DTWD2: variants seen among roughly 807,000 people sequenced by gnomAD.
The protein encoded by DTWD2 is DTW motif tRNA-uridine aminocarboxypropyltransferase 2.
A neutral mutation model predicts 31.8 loss-of-function variants in DTWD2; 39 were observed. The ratio of observed to expected loss-of-function variants is 1.22; its 90% CI spans 0.95 to 1.60. DTWD2 has a LOEUF of 1.60. DTWD2 is among the 40% of genes most tolerant of loss of function. The pLI, the probability that DTWD2 is intolerant of heterozygous loss-of-function variation, is 0.00. For synonymous variants in DTWD2, 180 were observed against 142.8 expected, an observed-to-expected ratio of 1.26 and a Z score of -1.86; for missense variants, 515 against 381.5, an observed-to-expected ratio of 1.35 and a Z score of -2.92.
At chr5:118,950,830 A>G (rs1457492273) in intron 1 of DTWD2, among the ~76,000 whole-genome samples, 4 of 152,202 alleles carry the variant, frequency 2.6e-5, no homozygotes, top group African/African-American at 9.6e-5. Context: ...CCTCTTTTTA[A>G]TTATTGTACA....
chr5:118,961,061 C>G (rs1384163512), intron 1 of DTWD2, among the ~76,000 whole-genome samples: 1 of 113,788 alleles, frequency 8.8e-6, no homozygotes, highest in Non-Finnish European at 1.7e-5. Flanking sequence ...TGCACATGTA[C>G]CCCCAAAACT....
At chr5:118,922,328 C>T (rs986513420) in intron 4 of DTWD2, among the ~76,000 whole-genome samples, 2 of 152,164 alleles carry the variant, frequency 1.3e-5, no homozygotes, top group Non-Finnish European at 2.9e-5. Flanking sequence ...ATAAACACAA[C>T]ACTCTGGACT....
At chr5:118,945,833 C>G (rs974119857) in intron 1 of DTWD2, among the ~76,000 whole-genome samples, 2 of 148,946 alleles carry the variant, frequency 1.3e-5, no homozygotes, top group Non-Finnish European at 2.9e-5. Flanking sequence ...TGGCCAGATC[C>G]CAGATATGGG....
intron 1 of DTWD2, among the ~76,000 whole-genome samples, chr5:118,971,824 T>G (rs1354762825): frequency 1.3e-5 from 2 of 152,138 alleles, no homozygotes; most frequent in Non-Finnish European, 2.9e-5. Context: ...GTTAAGAAAC[T>G]CACTCAAAAC....
chr5:118,918,182 T>C (rs1753621074), intron 4 of DTWD2, among the ~76,000 whole-genome samples: 1 of 152,214 alleles, frequency 6.6e-6, no homozygotes, highest in African/African-American at 2.4e-5. Context: ...GTCAGAAGCC[T>C]AAATCCCTTC....
At chr5:118,885,688 C>G (rs1304366303) in intron 4 of DTWD2, among the ~76,000 whole-genome samples, 2 of 150,964 alleles carry the variant, frequency 1.3e-5, no homozygotes, top group African/African-American at 4.9e-5. Context: ...GTTTCTTGAA[C>G]TCGGGAGGCA....
At chr5:118,935,449 G>A (rs1015726259) in intron 3 of DTWD2, among the ~76,000 whole-genome samples, 5 of 152,148 alleles carry the variant, frequency 3.3e-5, no homozygotes, top group Admixed American at 6.5e-5. Context: ...CTATCCCCAC[G>A]TAGGCAGGGT....
At chr5:118,927,840 C>A (rs1418622326) in intron 4 of DTWD2, among the ~76,000 whole-genome samples, 1 of 151,982 alleles carries the variant, frequency 6.6e-6, no homozygotes, top group Non-Finnish European at 1.5e-5. Context: ...TTAAACTATT[C>A]CAGGTCATAG....
At chr5:118,983,068 T>C (rs543706439) in intron 1 of DTWD2, among the ~76,000 whole-genome samples, 20 of 152,300 alleles carry the variant, frequency 1.3e-4, no homozygotes, top group African/African-American at 4.6e-4. Flanking sequence ...GGAATTACCA[T>C]TTTTCACTTT....
At chr5:118,853,781 C>T (rs1752067745) in intron 4 of DTWD2, among the ~76,000 whole-genome samples, 2 of 152,232 alleles carry the variant, frequency 1.3e-5, no homozygotes, top group South Asian at 4.2e-4. Flanking sequence ...GGGTACTATG[C>T]TCACTACTTA....
intron 2 of DTWD2, among the ~76,000 whole-genome samples, chr5:118,941,381 G>T: frequency 6.6e-6 from 1 of 152,206 alleles, no homozygotes; most frequent in African/African-American, 2.4e-5. Context: ...CTGTGTCCAA[G>T]TGTTCTCATT....
intron 4 of DTWD2, among the ~76,000 whole-genome samples, chr5:118,863,831 C>T (rs1204603481): frequency 6.6e-6 from 1 of 151,908 alleles, no homozygotes; most frequent in Non-Finnish European, 1.5e-5. Context: ...GTTCCTGTGT[C>T]CAAATTAGAA....
chr5:118,869,172 C>T (rs774561146), intron 4 of DTWD2, among the ~76,000 whole-genome samples: 9 of 151,844 alleles, frequency 5.9e-5, no homozygotes, highest in African/African-American at 1.9e-4. Flanking sequence ...CTAATTCCAC[C>T]GAACTATATA....
intron 4 of DTWD2, among the ~76,000 whole-genome samples, chr5:118,892,719 G>A (rs528435607): frequency 1.8e-4 from 27 of 152,162 alleles, no homozygotes; most frequent in Middle Eastern, 3.4e-3. Context: ...ATCAATGGAA[G>A]GAAATTGTAT....
chr5:118,922,770 C>G (rs1165689804), intron 4 of DTWD2, among the ~76,000 whole-genome samples: 1 of 152,120 alleles, frequency 6.6e-6, no homozygotes, highest in Non-Finnish European at 1.5e-5. Context: ...AATCATCCTT[C>G]TGAAAACAAC....
intron 4 of DTWD2, among the ~76,000 whole-genome samples, chr5:118,884,382 CCTT>C (rs2149556174): frequency 6.6e-6 from 1 of 152,274 alleles, no homozygotes; most frequent in East Asian, 1.9e-4. Flanking sequence ...CTCCCACTCT[CCTT>C]CAGAAATCAG....
At chr5:118,928,478 A>G in intron 4 of DTWD2, 59 bp downstream of exon 4, 1 of 1,209,422 alleles carries the variant, frequency 8.3e-7, no homozygotes, top group Non-Finnish European at 1.1e-6. Flanking sequence ...CACAGAAAAC[A>G]TACACAATAT....
intron 4 of DTWD2, among the ~76,000 whole-genome samples, chr5:118,873,319 G>C (rs1752548444): frequency 6.6e-6 from 1 of 152,176 alleles, no homozygotes; most frequent in Admixed American, 6.5e-5. Flanking sequence ...GATGGGGCTG[G>C]TCTGACCTGA....
chr5:118,902,687 ACT>A (rs541884573), intron 4 of DTWD2, among the ~76,000 whole-genome samples: 140 of 152,140 alleles, frequency 9.2e-4, no homozygotes, highest in African/African-American at 3.2e-3. Context: ...TAAGCCTGTT[ACT>A]CTCTATGGCA....
Sources: gnomAD v4.1 joint callset for allele counts (sites outside exome capture counted in the v4.1 genomes callset) on GRCh38, gnomAD v4.1.1 for gene constraint, MANE v1.5 for transcripts, NCBI Gene and HGNC (gene_info 2026-07-23, HGNC 2026-07-21) for gene names.